Variants in NSD1 observed in about 807,000 individuals in gnomAD.
NSD1 encodes the protein nuclear receptor binding SET domain protein 1.
Under a neutral mutation model 242.7 loss-of-function variants are expected in NSD1, and 26 were observed. That is an observed-to-expected ratio of 0.11 (90% confidence interval 0.08 to 0.15). The LOEUF is 0.15. Ranked by LOEUF, NSD1 falls within the 10% of genes least tolerant of loss-of-function variation. NSD1 has a pLI of 1.00. For missense variants in NSD1, 2,495 were observed against 3,272.8 expected, an observed-to-expected ratio of 0.76 and a Z score of 5.80; for synonymous variants, 1,106 against 1,178.1, an observed-to-expected ratio of 0.94 and a Z score of 1.25.
intron 7 of NSD1, 49 bp from the exon 8 acceptor site, chr5:177,239,707 C>A: frequency 8.9e-7 from 1 of 1,128,646 alleles, no homozygotes; most frequent in Non-Finnish European, 1.3e-6. Flanking sequence ...TAAAAATTAA[C>A]TTGTGCCCAG....
chr5:177,226,187 C>T (rs1185360609), intron 5 of NSD1, among the ~76,000 whole-genome samples: 7 of 152,138 alleles, frequency 4.6e-5, no homozygotes, highest in Non-Finnish European at 1.0e-4. Flanking sequence ...GCTGGGACTA[C>T]AGGCACGTGC....
chr5:177,250,364 A>G (rs185151444), intron 11 of NSD1, among the ~76,000 whole-genome samples: 2 of 152,352 alleles, frequency 1.3e-5, no homozygotes, highest in Admixed American at 1.3e-4. Context: ...GCTTGTCTGG[A>G]TCAGTCTTTG....
chr5:177,212,838 C>T (rs191750775), intron 5 of NSD1, among the ~76,000 whole-genome samples: 183 of 152,058 alleles, frequency 1.2e-3, no homozygotes, highest in Middle Eastern at 0.01. Context: ...GATGAGGGTT[C>T]ACCACGTTGG....
At chr5:177,281,334 T>TC (rs1491228977) in intron 18 of NSD1, among the ~76,000 whole-genome samples, 1 of 6,850 alleles carries the variant, frequency 1.5e-4, no homozygotes, top group African/African-American at 3.9e-4. Flanking sequence ...TTGTATAGTC[T>TC]TTTTTTTTTT....
chr5:177,182,807 T>G lies in NSD1; in HGVS notation c.928-9077T>G, dbSNP rs1760803020. On this transcript the variant is annotated intron_variant, in intron 2 of 22. Coordinates refer to ENST00000439151, the MANE Select transcript of NSD1 (RefSeq NM_022455.5). ...CGCCTGCCATTACGCCTGGCTAATTTTTGTATTTTTAGTAGAGACAGGGTT... is the reference window on the plus strand; with the variant it reads ...CGCCTGCCATTACGCCTGGCTAATTGTTGTATTTTTAGTAGAGACAGGGTT... Among the ~76,000 whole-genome samples the G allele has an allele frequency of 2.0e-5, 3 of 152,172 alleles. No individual in the cohort carries two copies. In the South Asian group the frequency reaches 6.2e-4, roughly 32 times the overall value.
At chr5:177,204,591 G>C (rs1230989160) in intron 4 of NSD1, among the ~76,000 whole-genome samples, 1 of 152,178 alleles carries the variant, frequency 6.6e-6, no homozygotes, top group Non-Finnish European at 1.5e-5. Context: ...AGCTCAAGCA[G>C]CTTCCCAAAA....
At position 177,143,782 on chromosome 5, in the gene NSD1, ACTT is replaced by A. The variant is rs1256714026; in HGVS notation, c.927+7753_927+7755del. ...GTTGTTAAGTCTATGATACAAGATA[ACTT>A]TTTTTTTTTTTTTTTTTTTGAGACA... is the stretch of plus-strand genomic sequence containing the variant. On this transcript the variant is annotated intron_variant, in intron 2 of 22. Coordinates refer to ENST00000439151, the MANE Select transcript of NSD1 (RefSeq NM_022455.5). Among the ~76,000 whole-genome samples the A allele has an allele frequency of 5.0e-5, 7 of 139,530 alleles. No individual in the cohort carries two copies. The East Asian group carries it at 1.3e-3, about 27-fold the overall frequency. The allele number at this position is 139,530 out of a possible 152,430, so 91.5% of individuals were successfully genotyped here.
chr5:177,251,189 CAA>C (rs762450107), intron 11 of NSD1, among the ~76,000 whole-genome samples: 6 of 136,788 alleles, frequency 4.4e-5, no homozygotes, highest in Admixed American at 7.4e-5. Context: ...GACTTCCTCT[CAA>C]AAAAAAAAAA....
chr5:177,250,093 A>G (rs1341865394), intron 11 of NSD1, among the ~76,000 whole-genome samples: 1 of 152,212 alleles, frequency 6.6e-6, no homozygotes, highest in Non-Finnish European at 1.5e-5. Flanking sequence ...CAAATAATAA[A>G]TAGTAATAGA....
At position 177,211,400 on chromosome 5, in the gene NSD1, G is replaced by A. The variant is rs139323440; in HGVS notation, c.3001G>A (p.Asp1001Asn). The A allele has an allele frequency of 9.7e-5, 156 of 1,614,108 alleles. 1 individual carries two copies. The highest frequency in any genetic ancestry group is 3.1e-4 in the South Asian group (28 of 91,082). ...LSASLPGLLSDKRDLPASGKS... is the reference protein window; with the variant it reads ...LSASLPGLLSNKRDLPASGKS... Reference sequence around the variant, plus strand: ...TGCTTCCCTACCTGGCTTACTGTCCGACAAGAGAGACCTCCCTGCTTCTGG... The same window carrying A: ...TGCTTCCCTACCTGGCTTACTGTCCAACAAGAGAGACCTCCCTGCTTCTGG... The change falls in exon 5 of 23, where the codon GAC (aspartate) becomes AAC (asparagine). Residue 1001 changes from aspartate (D) to asparagine (N), a missense_variant. Asp to Asn is a conservative substitution (Grantham distance 23). Coordinates refer to ENST00000439151, the MANE Select transcript of NSD1 (RefSeq NM_022455.5).
intron 5 of NSD1, among the ~76,000 whole-genome samples, chr5:177,229,451 A>G (rs1764885369): frequency 6.6e-6 from 1 of 152,196 alleles, no homozygotes; most frequent in African/African-American, 2.4e-5. Context: ...TAAGGTTTGC[A>G]TAATTACTCC....
intron 13 of NSD1, among the ~76,000 whole-genome samples, chr5:177,257,613 A>G (rs1219476123): frequency 1.3e-5 from 2 of 151,996 alleles, no homozygotes; most frequent in Non-Finnish European, 2.9e-5. Flanking sequence ...GATTACCAAC[A>G]TTGTATTTGG....
intron 2 of NSD1, among the ~76,000 whole-genome samples, chr5:177,141,247 C>T (rs1756785416): frequency 6.6e-6 from 1 of 151,200 alleles, no homozygotes; most frequent in Admixed American, 6.6e-5. Flanking sequence ...GTCTTGAACT[C>T]CTGACCTCGT....
intron 2 of NSD1, among the ~76,000 whole-genome samples, chr5:177,170,809 G>A (rs889782548): frequency 2.6e-5 from 4 of 152,024 alleles, no homozygotes; most frequent in African/African-American, 4.8e-5. Flanking sequence ...CCATTAAATA[G>A]TAATTCCTAA....
chr5:177,249,365 G>A (rs1755715585), intron 11 of NSD1, among the ~76,000 whole-genome samples: 1 of 151,890 alleles, frequency 6.6e-6, no homozygotes, highest in Non-Finnish European at 1.5e-5. Flanking sequence ...GCTCATACCT[G>A]TAGCCCAACA....
At chr5:177,233,715 T>A (rs572529693) in intron 5 of NSD1, among the ~76,000 whole-genome samples, 2 of 152,224 alleles carry the variant, frequency 1.3e-5, no homozygotes, top group East Asian at 3.9e-4. Flanking sequence ...TTCACAAACA[T>A]TTTATAGCAG....
intron 2 of NSD1, among the ~76,000 whole-genome samples, chr5:177,186,041 T>C (rs1235998141): frequency 3.9e-5 from 4 of 102,882 alleles, no homozygotes; most frequent in African/African-American, 1.7e-4. Context: ...TTTTTATATA[T>C]ATAATATATA....
chr5:177,141,438 C>G (rs1383594431), intron 2 of NSD1, among the ~76,000 whole-genome samples: 1 of 135,234 alleles, frequency 7.4e-6, no homozygotes, highest in South Asian at 2.5e-4. Context: ...TCAAGAGATT[C>G]TTGTGCCTCA....
At chr5:177,289,342 A>G (rs1445252103) in intron 21 of NSD1, among the ~76,000 whole-genome samples, 7 of 152,034 alleles carry the variant, frequency 4.6e-5, no homozygotes, top group African/African-American at 1.4e-4. Flanking sequence ...GAAAAATTCA[A>G]TGACATTGAA....
Sources: gnomAD v4.1 joint callset for allele counts (sites outside exome capture counted in the v4.1 genomes callset) on GRCh38, gnomAD v4.1.1 for gene constraint, MANE v1.5 for transcripts, NCBI Gene and HGNC (gene_info 2026-07-23, HGNC 2026-07-21) for gene names.